The following EPHA7 variants were observed in gnomAD, a reference collection of about 807,000 sequenced individuals.
The protein encoded by EPHA7 is EPH receptor A7, also known as ephrin type-A receptor 7.
In EPHA7, 25 loss-of-function variants were observed where a neutral mutation model predicts 112.6. That is an observed-to-expected ratio of 0.22 (90% CI 0.16 to 0.31). EPHA7 has a LOEUF of 0.31. Ranked by LOEUF, EPHA7 falls within the 10% of genes least tolerant of loss-of-function variation. The pLI, the probability that EPHA7 is intolerant of heterozygous loss-of-function variation, is 1.00. For missense variants in EPHA7, 962 were observed against 1,212.6 expected (o/e 0.79, Z 3.07); for synonymous variants, 437 against 406.5 (o/e 1.07, Z -0.90).
At chr6:93,359,289 G>A (rs1776118418) in intron 3 of EPHA7, among the ~76,000 whole-genome samples, 1 of 151,576 alleles carries the variant, frequency 6.6e-6, no homozygotes, top group African/African-American at 2.4e-5. Flanking sequence ...AATATCACTG[G>A]ACATTTCATA....
chr6:93,353,062 CT>C (rs1209362256), intron 5 of EPHA7, among the ~76,000 whole-genome samples: 2 of 151,994 alleles, frequency 1.3e-5, no homozygotes, highest in African/African-American at 4.8e-5. Context: ...TGTAACAAAC[CT>C]GCACATGTAC....
Position 93,241,719 on chromosome 6 carries a change from G to A in EPHA7, c.*1707C>T. 4.5e-6 allele frequency: 1 copy of A among 223,258 alleles called. No homozygotes were observed. The highest frequency in any genetic ancestry group is 6.5e-5 in the East Asian group (1 of 15,394). The allele number at this position is 223,258 out of a possible 1,614,324, so 13.8% of individuals were successfully genotyped here. A position where few individuals can be genotyped will look rare whatever the true frequency, so the allele number is the denominator to read the frequency against. ...TAAATGTGGGAAAACACATTATGTA[G>A]CACTGAAAATACCTGTTCTTTTGTG... On this transcript the variant is annotated 3_prime_UTR_variant, in exon 17 of 17. Coordinates refer to ENST00000369303, the MANE Select transcript of EPHA7 (RefSeq NM_004440.4).
intron 5 of EPHA7, among the ~76,000 whole-genome samples, chr6:93,354,782 A>G (rs1775862592): frequency 6.6e-6 from 1 of 152,104 alleles, no homozygotes; most frequent in African/African-American, 2.4e-5. Context: ...GTATAGTATT[A>G]ACTTGAGAAA....
At position 93,285,766 on chromosome 6, in the gene EPHA7, T is replaced by A. The variant is rs576976702; in HGVS notation, c.1325-13344A>T. Among the ~76,000 whole-genome samples, 13 of 152,240 alleles carry A rather than the reference T, an allele frequency of 8.5e-5. No individual in the cohort carries two copies. The East Asian group carries it at 2.5e-3, about 29-fold the overall frequency. ...AAGTTCCGGCTTTATTCCTAAATAA[T>A]CTCCAGCCAGCAAGAAATAACGAAC... On this transcript the variant is annotated intron_variant, in intron 5 of 16. Coordinates refer to ENST00000369303, the MANE Select transcript of EPHA7 (RefSeq NM_004440.4).
intron 5 of EPHA7, among the ~76,000 whole-genome samples, chr6:93,352,642 C>G (rs574407407): frequency 6.6e-6 from 1 of 152,046 alleles, no homozygotes; most frequent in Non-Finnish European, 1.5e-5. Flanking sequence ...TCCTTAGCAT[C>G]CCCCATAGTG....
intron 3 of EPHA7, among the ~76,000 whole-genome samples, chr6:93,384,556 C>T (rs1258082138): frequency 6.6e-6 from 1 of 152,086 alleles, no homozygotes; most frequent in East Asian, 1.9e-4. Context: ...TCACTCAAGC[C>T]CTAGCTATCT....
chr6:93,270,090 A>G (rs916731122), intron 6 of EPHA7, among the ~76,000 whole-genome samples: 18 of 151,782 alleles, frequency 1.2e-4, no homozygotes, highest in Middle Eastern at 3.4e-3. Context: ...AAATCCAGAA[A>G]GTTATTAAAT....
intron 14 of EPHA7, among the ~76,000 whole-genome samples, chr6:93,247,538 C>A (rs1562041045): frequency 6.6e-6 from 1 of 152,098 alleles, no homozygotes; most frequent in Non-Finnish European, 1.5e-5. Context: ...CGAGGTTGTA[C>A]TGGTTTATGA....
intron 6 of EPHA7, among the ~76,000 whole-genome samples, chr6:93,271,742 G>C (rs1185645219): frequency 6.6e-6 from 1 of 151,854 alleles, no homozygotes; most frequent in Non-Finnish European, 1.5e-5. Flanking sequence ...GTGTAAATAA[G>C]TCCCATACAT....
chr6:93,346,605 A>G (rs1364003560), intron 5 of EPHA7, among the ~76,000 whole-genome samples: 1 of 151,804 alleles, frequency 6.6e-6, no homozygotes, highest in Non-Finnish European at 1.5e-5. Context: ...ATTGTTTACT[A>G]TCTCCAGAAA....
chr6:93,388,413 T>C (rs1331669931), intron 3 of EPHA7, among the ~76,000 whole-genome samples: 1 of 152,172 alleles, frequency 6.6e-6, no homozygotes, highest in African/African-American at 2.4e-5. Context: ...ACATTTTGGA[T>C]AAGGACATAT....
At chr6:93,296,435 A>T (rs1405487433) in intron 5 of EPHA7, among the ~76,000 whole-genome samples, 6 of 62,044 alleles carry the variant, frequency 9.7e-5, no homozygotes, top group Non-Finnish European at 2.7e-4. Flanking sequence ...TATATATAAA[A>T]TATATAAATA....
At chr6:93,282,095 T>A (rs1771772390) in intron 5 of EPHA7, among the ~76,000 whole-genome samples, 2 of 152,156 alleles carry the variant, frequency 1.3e-5, no homozygotes, top group Admixed American at 1.3e-4. Context: ...AATAATACTC[T>A]GGAAATTCAT....
chr6:93,286,868 G>A (rs965113472), intron 5 of EPHA7, among the ~76,000 whole-genome samples: 9 of 152,022 alleles, frequency 5.9e-5, no homozygotes, highest in African/African-American at 1.7e-4. Context: ...AGTCACATCC[G>A]GTGATTTAAA....
At chr6:93,405,663 T>C (rs1027708199) in intron 3 of EPHA7, among the ~76,000 whole-genome samples, 22 of 151,174 alleles carry the variant, frequency 1.5e-4, no homozygotes, top group African/African-American at 5.3e-4. Flanking sequence ...TTAAGGAAAT[T>C]AAGGTTTGGA....
At chr6:93,283,421 C>A (rs1232804296) in intron 5 of EPHA7, among the ~76,000 whole-genome samples, 1 of 152,092 alleles carries the variant, frequency 6.6e-6, no homozygotes, top group Non-Finnish European at 1.5e-5. Flanking sequence ...AGGTCCCCTT[C>A]CACACTGTGG....
chr6:93,392,072 C>A (rs1242133712), intron 3 of EPHA7, among the ~76,000 whole-genome samples: 1 of 151,962 alleles, frequency 6.6e-6, no homozygotes, highest in Non-Finnish European at 1.5e-5. Flanking sequence ...TCCTGCTCTA[C>A]AGAATAACGC....
chr6:93,259,230 C>T (rs766026379), intron 10 of EPHA7, 124 bp downstream of exon 10: 9 of 1,210,848 alleles, frequency 7.4e-6, no homozygotes, highest in Non-Finnish European at 8.1e-6. Context: ...TCACTGCTTC[C>T]AACAGTTCAG....
chr6:93,361,683 C>T (rs1582595703), intron 3 of EPHA7, among the ~76,000 whole-genome samples: 1 of 151,978 alleles, frequency 6.6e-6, no homozygotes, highest in Non-Finnish European at 1.5e-5. Context: ...GAGGTAAATG[C>T]CTTCTGAAAC....
Sources: gnomAD v4.1 joint callset for allele counts (sites outside exome capture counted in the v4.1 genomes callset) on GRCh38, gnomAD v4.1.1 for gene constraint, MANE v1.5 for transcripts, NCBI Gene and HGNC (gene_info 2026-07-23, HGNC 2026-07-21) for gene names.